The following PCCA variants were observed in gnomAD, a reference collection of about 807,000 sequenced individuals.
PCCA encodes propionyl-CoA carboxylase subunit alpha, also known as propionyl-CoA carboxylase alpha chain, mitochondrial.
PCCA carries 74 observed loss-of-function variants against 101.3 expected under a neutral mutation model. That is an observed-to-expected ratio of 0.73 (90% CI 0.61 to 0.89). The LOEUF (loss-of-function observed/expected upper bound fraction) is 0.89, where lower values mean the gene tolerates loss of function less well. Ranked by LOEUF, PCCA falls within the 40% of genes least tolerant of loss-of-function variation. PCCA has a pLI of 0.00. For synonymous variants in PCCA, 294 were observed against 313.6 expected, an observed-to-expected ratio of 0.94 and a Z score of 0.66; for missense variants, 891 against 907.0, an observed-to-expected ratio of 0.98 and a Z score of 0.23.
At chr13:100,161,951 G>A (rs2054521573) in intron 6 of PCCA, among the ~76,000 whole-genome samples, 1 of 152,032 alleles carries the variant, frequency 6.6e-6, no homozygotes, top group South Asian at 2.1e-4. Flanking sequence ...AATGTAAAAT[G>A]CTAAGAAATT....
intron 6 of PCCA, among the ~76,000 whole-genome samples, chr13:100,163,370 A>G (rs1237196811): frequency 6.6e-6 from 1 of 152,184 alleles, no homozygotes; most frequent in Admixed American, 6.5e-5. Context: ...GATCTTGGAC[A>G]GGTTGTTTAA....
chr13:100,298,237 G>T (rs1462985234), intron 12 of PCCA, among the ~76,000 whole-genome samples: 1 of 152,152 alleles, frequency 6.6e-6, no homozygotes, highest in Admixed American at 6.5e-5. Context: ...GTTTCCAAAA[G>T]TGTGTTCCAT....
intron 12 of PCCA, among the ~76,000 whole-genome samples, chr13:100,292,315 G>A (rs2065189305): frequency 6.6e-6 from 1 of 152,186 alleles, no homozygotes; most frequent in Non-Finnish European, 1.5e-5. Flanking sequence ...TTCACTCAGA[G>A]CAAGTAAATT....
At chr13:100,496,705 T>C (rs1251574028) in intron 21 of PCCA, among the ~76,000 whole-genome samples, 1 of 152,138 alleles carries the variant, frequency 6.6e-6, no homozygotes, top group Non-Finnish European at 1.5e-5. Flanking sequence ...CATAATATGG[T>C]GAGTGTTAAA....
At chr13:100,391,098 A>T (rs1595718653) in intron 19 of PCCA, among the ~76,000 whole-genome samples, 2 of 151,922 alleles carry the variant, frequency 1.3e-5, no homozygotes, top group African/African-American at 4.8e-5. Flanking sequence ...GCTCACTGCA[A>T]CCTCCACCTC....
chr13:100,216,296 T>C (rs2059510735), intron 7 of PCCA, among the ~76,000 whole-genome samples: 3 of 152,236 alleles, frequency 2.0e-5, no homozygotes, highest in Admixed American at 2.0e-4. Context: ...GAAGTGTACC[T>C]GCTACTGAAT....
chr13:100,202,942 T>C (rs574507792), intron 6 of PCCA, among the ~76,000 whole-genome samples: 15 of 152,182 alleles, frequency 9.9e-5, no homozygotes, highest in African/African-American at 2.2e-4. Flanking sequence ...TTTTATGTTA[T>C]GTGTCACTTA....
intron 6 of PCCA, among the ~76,000 whole-genome samples, chr13:100,194,355 A>G (rs887769424): frequency 1.3e-5 from 2 of 152,240 alleles, no homozygotes; most frequent in Non-Finnish European, 2.9e-5. Context: ...ATTTTCAAAG[A>G]AAATAGAAAA....
intron 22 of PCCA, 80 bp downstream of exon 22, chr13:100,515,647 C>A: frequency 6.5e-7 from 1 of 1,536,864 alleles, no homozygotes; most frequent in Non-Finnish European, 8.9e-7. Flanking sequence ...CGGCACAGCA[C>A]GATTCGGCTC....
At chr13:100,105,981 ACT>A (rs1302935231) in intron 2 of PCCA, among the ~76,000 whole-genome samples, 2 of 151,384 alleles carry the variant, frequency 1.3e-5, no homozygotes, top group African/African-American at 2.4e-5. Flanking sequence ...GTGCCTTTGT[ACT>A]ATTAGAATGT....
At chr13:100,442,521 A>G (rs2080451589) in intron 20 of PCCA, among the ~76,000 whole-genome samples, 1 of 152,180 alleles carries the variant, frequency 6.6e-6, no homozygotes, top group Admixed American at 6.5e-5. Context: ...CTGGGAATGA[A>G]TCTAACCTTT....
At chr13:100,326,994 C>G (rs1286310710) in intron 16 of PCCA, among the ~76,000 whole-genome samples, 3 of 152,104 alleles carry the variant, frequency 2.0e-5, no homozygotes, top group Admixed American at 6.6e-5. Context: ...ATCACCTGTG[C>G]TTTGAAATTG....
intron 4 of PCCA, among the ~76,000 whole-genome samples, chr13:100,143,069 T>A (rs2052088847): frequency 6.6e-6 from 1 of 152,176 alleles, no homozygotes; most frequent in South Asian, 2.1e-4. Flanking sequence ...ACCCTTCTGT[T>A]TTTCAATCCT....
At chr13:100,312,288 A>G (rs1303320416) in intron 16 of PCCA, among the ~76,000 whole-genome samples, 2 of 152,230 alleles carry the variant, frequency 1.3e-5, no homozygotes, top group Non-Finnish European at 2.9e-5. Flanking sequence ...AGGCTAGCAT[A>G]TCTTTCTTTT....
chr13:100,477,153 GCA>G (rs1404696786), intron 21 of PCCA, among the ~76,000 whole-genome samples: 1 of 152,098 alleles, frequency 6.6e-6, no homozygotes, highest in Non-Finnish European at 1.5e-5. Context: ...CGCTCTCTCG[GCA>G]CAGTTTCTGG....
chr13:100,441,232 A>G (rs2152917109), intron 20 of PCCA, among the ~76,000 whole-genome samples: 1 of 152,334 alleles, frequency 6.6e-6, no homozygotes, highest in South Asian at 2.1e-4. Flanking sequence ...AGTAGTATAA[A>G]CACTGATTGT....
At chr13:100,182,619 C>G (rs911365004) in intron 6 of PCCA, among the ~76,000 whole-genome samples, 6 of 152,238 alleles carry the variant, frequency 3.9e-5, no homozygotes, top group South Asian at 2.1e-4. Flanking sequence ...AGTCAGTCTT[C>G]TCTCTGAGTT....
chr13:100,444,429 AC>A (rs2080623613), intron 20 of PCCA, among the ~76,000 whole-genome samples: 1 of 101,188 alleles, frequency 9.9e-6, no homozygotes, highest in African/African-American at 3.8e-5. Flanking sequence ...GTTTTGAACA[AC>A]CTTTTTTTTT....
chr13:100,320,037 T>G (rs891772365), intron 16 of PCCA, among the ~76,000 whole-genome samples: 1 of 152,224 alleles, frequency 6.6e-6, no homozygotes. Flanking sequence ...GAAGAGATCC[T>G]TCACATCCCT....
Sources: gnomAD v4.1 joint callset for allele counts (sites outside exome capture counted in the v4.1 genomes callset) on GRCh38, gnomAD v4.1.1 for gene constraint, MANE v1.5 for transcripts, NCBI Gene and HGNC (gene_info 2026-07-23, HGNC 2026-07-21) for gene names.